The following RCAN1 variants were observed in gnomAD, a reference collection of about 807,000 sequenced individuals.
The protein encoded by RCAN1 is calcipressin-1.
A neutral mutation model predicts 22.9 loss-of-function variants in RCAN1; 11 were observed. That is an observed-to-expected ratio of 0.48 (90% CI 0.30 to 0.79). The LOEUF (loss-of-function observed/expected upper bound fraction) is 0.79. Ranked by LOEUF, RCAN1 falls within the 30% of genes least tolerant of loss-of-function variation. RCAN1 has a pLI of 0.06. For synonymous variants in RCAN1, 136 were observed against 142.3 expected (o/e 0.96, Z 0.32); for missense variants, 291 against 337.8 (o/e 0.86, Z 1.09).
In RCAN1 at chr21:34,605,824, G is replaced by A. The variant is rs146711900; in HGVS notation, c.252+8936C>T. 4.8e-3 allele frequency among the ~76,000 whole-genome samples: 722 copies of A among 151,538 alleles called. 22 individuals are homozygous for A. In the East Asian group the frequency reaches 0.078, roughly 16 times the overall value. On this transcript the variant is annotated intron_variant, in intron 1 of 3. Coordinates refer to ENST00000313806, the MANE Select transcript of RCAN1 (RefSeq NM_004414.7). ...AATCCCAGCTATTCAGGAGGCCGAG[G>A]CAGGACAATCACTTGAACCCGGGAA...
At chr21:34,546,172 A>G (rs1304613931) in intron 1 of RCAN1, among the ~76,000 whole-genome samples, 1 of 152,246 alleles carries the variant, frequency 6.6e-6, no homozygotes, top group Non-Finnish European at 1.5e-5. Flanking sequence ...CAAACATTTC[A>G]GTGACTTAGA....
chr21:34,602,005 G>A (rs1988370052), intron 1 of RCAN1, among the ~76,000 whole-genome samples: 1 of 151,980 alleles, frequency 6.6e-6, no homozygotes. Context: ...AGAAAAATAA[G>A]CAAAAAATTA....
chr21:34,521,471 C>T, intron 3 of RCAN1, 28 bp downstream of exon 3: 1 of 1,613,416 alleles, frequency 6.2e-7, no homozygotes, highest in Non-Finnish European at 8.5e-7. Flanking sequence ...CTCCCCCTGC[C>T]TCCCTCCCAC....
At chr21:34,556,978 C>T (rs4817680) in intron 1 of RCAN1, among the ~76,000 whole-genome samples, 36,804 of 152,128 alleles carry the variant, frequency 0.24, 5,202 homozygotes, top group African/African-American at 0.39. Context: ...CTTGGGAGGC[C>T]GAGGCAGGCG....
intron 1 of RCAN1, among the ~76,000 whole-genome samples, chr21:34,574,436 C>T (rs1000543189): frequency 2.3e-4 from 35 of 152,056 alleles, no homozygotes; most frequent in African/African-American, 8.2e-4. Flanking sequence ...ATGGCATAAA[C>T]CATAAAGGAG....
chr21:34,531,374 T>G (rs1364749002), intron 1 of RCAN1, among the ~76,000 whole-genome samples: 1 of 152,112 alleles, frequency 6.6e-6, no homozygotes, highest in Non-Finnish European at 1.5e-5. Context: ...TTTCCCCATC[T>G]CTCTGGGTGG....
chr21:34,582,937 G>A (rs1987666877), intron 1 of RCAN1, among the ~76,000 whole-genome samples: 1 of 152,074 alleles, frequency 6.6e-6, no homozygotes, highest in Non-Finnish European at 1.5e-5. Context: ...TGGAGATGGA[G>A]GCTGATGCCA....
chr21:34,584,108 T>C (rs996315144), intron 1 of RCAN1, among the ~76,000 whole-genome samples: 2 of 152,258 alleles, frequency 1.3e-5, no homozygotes, highest in Non-Finnish European at 2.9e-5. Context: ...AAGGACAGCC[T>C]GGAACAATCA....
intron 1 of RCAN1, among the ~76,000 whole-genome samples, chr21:34,611,592 T>C (rs1988689213): frequency 6.6e-6 from 1 of 152,158 alleles, no homozygotes; most frequent in South Asian, 2.1e-4. Flanking sequence ...CCTCACACCA[T>C]CACTCTCCAG....
Position 34,521,531 on chromosome 21 carries a change from T to G in RCAN1, c.554A>C (p.Asp185Ala). 1 of 1,614,134 alleles carries G rather than the reference T, an allele frequency of 6.2e-7. No homozygotes were observed. The highest frequency in any genetic ancestry group is 8.5e-7 in the Non-Finnish European group (1 of 1,180,034). Residue 185 changes from aspartate to alanine, a missense_variant, in exon 3 of 4, where the codon GAT becomes GCT. Asp to Ala is a moderately radical substitution (Grantham distance 126). Coordinates refer to ENST00000313806, the MANE Select transcript of RCAN1 (RefSeq NM_004414.7). ...CAGCTTGGAGATGGCATATAAGAGATCATAGTTTATGACTGGGGTCGCATC... is the reference window on the plus strand; with the variant it reads ...CAGCTTGGAGATGGCATATAAGAGAGCATAGTTTATGACTGGGGTCGCATC... ...VEDATPVINYDLLYAISKLGP... is the reference protein window; with the variant it reads ...VEDATPVINYALLYAISKLGP...
At chr21:34,562,178 T>C (rs2251817) in intron 1 of RCAN1, among the ~76,000 whole-genome samples, 102,909 of 152,130 alleles carry the variant, frequency 0.68, 35,904 homozygotes, top group African/African-American at 0.84. Context: ...CTCCATTTCC[T>C]TCAGGGGCAA....
intron 1 of RCAN1, among the ~76,000 whole-genome samples, chr21:34,564,787 C>T (rs757334936): frequency 4.6e-5 from 7 of 152,082 alleles, no homozygotes; most frequent in Admixed American, 6.5e-5. Context: ...TAAGATAGTG[C>T]TACCCAATAT....
intron 1 of RCAN1, among the ~76,000 whole-genome samples, chr21:34,574,623 A>C (rs1987347853): frequency 6.6e-6 from 1 of 152,394 alleles, no homozygotes; most frequent in Admixed American, 6.5e-5. Context: ...GATAAAGCAC[A>C]CAATGCGTCA....
intron 1 of RCAN1, among the ~76,000 whole-genome samples, chr21:34,590,499 C>T (rs781317915): frequency 6.6e-5 from 10 of 152,246 alleles, no homozygotes; most frequent in Admixed American, 2.0e-4. Context: ...TGGAGACCTA[C>T]AGGCAAAAAA....
At chr21:34,593,809 G>A (rs1046105062) in intron 1 of RCAN1, among the ~76,000 whole-genome samples, 1 of 152,202 alleles carries the variant, frequency 6.6e-6, no homozygotes, top group Non-Finnish European at 1.5e-5. Context: ...ATGGAACCAG[G>A]TACAGTCCCT....
At chr21:34,608,758 A>G (rs926254547) in intron 1 of RCAN1, among the ~76,000 whole-genome samples, 2 of 152,230 alleles carry the variant, frequency 1.3e-5, no homozygotes, top group African/African-American at 4.8e-5. Context: ...TATATTGTAT[A>G]TACAGACCCA....
At chr21:34,573,370 T>C (rs1156795404) in intron 1 of RCAN1, among the ~76,000 whole-genome samples, 1 of 152,184 alleles carries the variant, frequency 6.6e-6, no homozygotes, top group East Asian at 1.9e-4. Flanking sequence ...CTGATGGAAA[T>C]ATTTTGCCTT....
intron 1 of RCAN1, among the ~76,000 whole-genome samples, chr21:34,594,738 G>C (rs1328231348): frequency 6.6e-6 from 1 of 152,184 alleles, no homozygotes; most frequent in Non-Finnish European, 1.5e-5. Context: ...TCAGTGTTAG[G>C]AGTCAGACCT....
At position 34,548,687 on chromosome 21, in the gene RCAN1, T is replaced by C. The variant is rs1986240898; in HGVS notation, c.253-24977A>G. On this transcript the variant is annotated intron_variant, in intron 1 of 3. Coordinates refer to ENST00000313806, the MANE Select transcript of RCAN1 (RefSeq NM_004414.7). The stretch of plus-strand genomic sequence containing the variant: ...GATATCCTGCTTAACATAAGAAATA[T>C]TATTTTAATTGAAAACATTATTCAT... 2.0e-5 allele frequency among the ~76,000 whole-genome samples: 3 copies of C among 152,248 alleles called. 1 individual carries two copies. The highest frequency in any genetic ancestry group is 2.0e-4 in the Admixed American group (3 of 15,286).
Sources: gnomAD v4.1 joint callset for allele counts (sites outside exome capture counted in the v4.1 genomes callset) on GRCh38, gnomAD v4.1.1 for gene constraint, MANE v1.5 for transcripts, NCBI Gene and HGNC (gene_info 2026-07-23, HGNC 2026-07-21) for gene names.